Variants in CDK14 observed in about 807,000 individuals in gnomAD.
The protein encoded by CDK14 is cyclin-dependent kinase 14.
CDK14 carries 34 observed loss-of-function variants against 60.7 expected under a neutral mutation model. The observed-to-expected ratio is 0.56, with a 90% CI of 0.43 to 0.75. The LOEUF (loss-of-function observed/expected upper bound fraction) is 0.75. Ranked by LOEUF, CDK14 falls within the 30% of genes least tolerant of loss-of-function variation. CDK14 has a pLI of 0.00. For missense variants in CDK14, 482 were observed against 564.1 expected (o/e 0.85, Z 1.47); for synonymous variants, 197 against 203.7 (o/e 0.97, Z 0.28).
intron 12 of CDK14, among the ~76,000 whole-genome samples, chr7:91,104,269 T>C (rs912119227): frequency 6.6e-6 from 1 of 152,102 alleles, no homozygotes; most frequent in Admixed American, 6.5e-5. Context: ...CTCAGTGACC[T>C]GCGATAGAAC....
At chr7:91,001,197 G>A (rs1272667603) in intron 10 of CDK14, among the ~76,000 whole-genome samples, 1 of 152,166 alleles carries the variant, frequency 6.6e-6, no homozygotes, top group Non-Finnish European at 1.5e-5. Flanking sequence ...AAATATTGGG[G>A]AGAAACAGTA....
At chr7:91,020,610 T>C (rs1469369493) in intron 10 of CDK14, among the ~76,000 whole-genome samples, 1 of 152,094 alleles carries the variant, frequency 6.6e-6, no homozygotes, top group East Asian at 1.9e-4. Flanking sequence ...CTGTTAACAG[T>C]TTGGTGCTTG....
rs577928225 is a variant in CDK14 at position 90,664,374 on chromosome 7, G to A, written c.123+60125G>A. Among the ~76,000 whole-genome samples the A allele has an allele frequency of 9.7e-3, 1,476 of 152,116 alleles. 9 individuals carry two copies. Among genetic ancestry groups the A allele is most frequent in the Non-Finnish European group, 0.01 (709 of 67,974 alleles). The stretch of plus-strand genomic sequence containing the variant: ...AACTAGTTCAACCATTGTGGAAGTC[G>A]GTGTGGCGATTCCTCAGGGATCTAG... On this transcript the variant is annotated intron_variant, in intron 2 of 14. Transcript: ENST00000380050.
At chr7:91,025,332 G>C (rs1040669435) in intron 10 of CDK14, among the ~76,000 whole-genome samples, 5 of 152,026 alleles carry the variant, frequency 3.3e-5, no homozygotes, top group African/African-American at 1.2e-4. Flanking sequence ...TTCTGCCAAG[G>C]GATTGTCCAA....
chr7:90,666,398 T>A (rs921514009), intron 2 of CDK14: 4 of 152,220 alleles, frequency 2.6e-5, no homozygotes, highest in African/African-American at 9.6e-5. Flanking sequence ...TTCCATGAAG[T>A]ACTTCACAAG....
At chr7:91,091,629 A>G (rs1798830818) in intron 12 of CDK14, among the ~76,000 whole-genome samples, 1 of 148,664 alleles carries the variant, frequency 6.7e-6, no homozygotes, top group Non-Finnish European at 1.5e-5. Flanking sequence ...AGATCATACC[A>G]TTGCACTCTA....
At chr7:90,962,472 T>G (rs1414503759) in intron 9 of CDK14, among the ~76,000 whole-genome samples, 1 of 151,764 alleles carries the variant, frequency 6.6e-6, no homozygotes, top group African/African-American at 2.4e-5. Context: ...GGTGACAGAG[T>G]GAGACTCCGT....
chr7:90,659,105 A>G (rs866091703), intron 2 of CDK14, among the ~76,000 whole-genome samples: 25 of 152,350 alleles, frequency 1.6e-4, no homozygotes, highest in Middle Eastern at 6.8e-3. Flanking sequence ...AAAAGAATGC[A>G]TGACAGTCTT....
intron 8 of CDK14, among the ~76,000 whole-genome samples, chr7:90,921,198 TG>T (rs2117434000): frequency 1.3e-5 from 2 of 152,312 alleles, no homozygotes; most frequent in African/African-American, 4.8e-5. Context: ...CTCACCACCT[TG>T]TTGCTCCTTG....
intron 2 of CDK14, among the ~76,000 whole-genome samples, chr7:90,617,789 C>T (rs1169859558): frequency 3.9e-5 from 6 of 152,068 alleles, no homozygotes; most frequent in African/African-American, 7.2e-5. Context: ...CTTGATCCTT[C>T]GGGTAGTAAT....
intron 9 of CDK14, among the ~76,000 whole-genome samples, chr7:90,983,711 T>C (rs1395299107): frequency 6.6e-6 from 1 of 151,438 alleles, no homozygotes; most frequent in East Asian, 1.9e-4. Flanking sequence ...AATAGTGTTG[T>C]TTGCAGCAAC....
At chr7:90,820,062 A>G (rs1789489032) in intron 5 of CDK14, among the ~76,000 whole-genome samples, 1 of 151,956 alleles carries the variant, frequency 6.6e-6, no homozygotes, top group South Asian at 2.1e-4. Context: ...ACTTTTTTGT[A>G]TTTGAAGTTC....
intron 2 of CDK14, among the ~76,000 whole-genome samples, chr7:90,696,220 A>C (rs1801652535): frequency 6.6e-6 from 1 of 152,058 alleles, no homozygotes; most frequent in African/African-American, 2.4e-5. Context: ...TTCACTAGAG[A>C]AATTTGAGTG....
At position 91,045,820 on chromosome 7, in the gene CDK14, C is replaced by T. The variant is rs1215614342; in HGVS notation, c.1042-77C>T. Reference sequence around the variant, plus strand: ...CCAGAGTTTCATAATATGTAGTGTACTATTTTTCTACACTTGAGAATTTTG... The same window carrying T: ...CCAGAGTTTCATAATATGTAGTGTATTATTTTTCTACACTTGAGAATTTTG... On this transcript the variant is annotated intron_variant, in intron 10 of 14. Coordinates refer to ENST00000380050, the MANE Select transcript of CDK14 (RefSeq NM_001287135.2). 8 of 888,166 alleles carry T rather than the reference C, an allele frequency of 9.0e-6. No homozygotes were observed. The South Asian group carries it at 9.6e-5, about 11-fold the overall frequency. 55.0% of individuals were successfully genotyped at this position (888,166 alleles called of 1,614,324 possible). A position where few individuals can be genotyped will look rare whatever the true frequency, so the allele number is the denominator to read the frequency against.
intron 2 of CDK14, among the ~76,000 whole-genome samples, chr7:90,701,685 A>T (rs1428896056): frequency 6.6e-6 from 1 of 152,172 alleles, no homozygotes; most frequent in African/African-American, 2.4e-5. Context: ...CTTGATTATA[A>T]GGAGCTGAAA....
At chr7:91,194,842 C>T (rs1404937882) in intron 14 of CDK14, among the ~76,000 whole-genome samples, 1 of 152,190 alleles carries the variant, frequency 6.6e-6, no homozygotes, top group Admixed American at 6.5e-5. Context: ...GGGAGCATTT[C>T]ATTGCTTCTT....
chr7:90,992,128 T>A (rs1287101765), intron 10 of CDK14, among the ~76,000 whole-genome samples: 1 of 152,214 alleles, frequency 6.6e-6, no homozygotes, highest in Non-Finnish European at 1.5e-5. Flanking sequence ...ATGGAAATGT[T>A]GGTAGCAAAC....
At chr7:90,779,368 T>C (rs975806510) in intron 4 of CDK14, among the ~76,000 whole-genome samples, 2 of 152,206 alleles carry the variant, frequency 1.3e-5, no homozygotes, top group Admixed American at 6.5e-5. Context: ...TTCCCCGACC[T>C]CAGCATCCTA....
intron 5 of CDK14, among the ~76,000 whole-genome samples, chr7:90,852,923 A>T (rs1015887411): frequency 2.6e-5 from 4 of 152,146 alleles, no homozygotes; most frequent in African/African-American, 9.7e-5. Flanking sequence ...CTTCCAATGA[A>T]CTGTGCTGTA....
Sources: gnomAD v4.1 joint callset for allele counts (sites outside exome capture counted in the v4.1 genomes callset) on GRCh38, gnomAD v4.1.1 for gene constraint, MANE v1.5 for transcripts, NCBI Gene and HGNC (gene_info 2026-07-23, HGNC 2026-07-21) for gene names.